CHMP4C: variants seen among roughly 807,000 people sequenced by gnomAD.
CHMP4C encodes charged multivesicular body protein 4C, also known as SNF7 homolog associated with Alix 3.
CHMP4C carries 28 observed loss-of-function variants against 29.0 expected under a neutral mutation model. That is an observed-to-expected ratio of 0.97 (90% CI 0.72 to 1.32). The LOEUF is 1.32. Ranked by LOEUF, CHMP4C falls within the 40% of genes most tolerant of loss-of-function variation. The pLI, the probability that CHMP4C is intolerant of heterozygous loss-of-function variation, is 0.00. For missense variants in CHMP4C, 291 were observed against 281.0 expected (o/e 1.04, Z -0.25); for synonymous variants, 106 against 102.4 (o/e 1.04, Z -0.21).
intron 1 of CHMP4C, among the ~76,000 whole-genome samples, chr8:81,744,833 C>T (rs563176706): frequency 6.6e-6 from 1 of 152,130 alleles, no homozygotes; most frequent in Non-Finnish European, 1.5e-5. Context: ...AACACAGTGC[C>T]AGGCATGTCA....
Position 81,732,545 on chromosome 8 carries a change from C to A in CHMP4C, c.-82C>A. 1.9e-6 allele frequency: 2 copies of A among 1,070,630 alleles called. No individual in the cohort carries two copies. Among genetic ancestry groups the A allele is most frequent in the Non-Finnish European group, 2.7e-6 (2 of 752,526 alleles). 66.3% of individuals were successfully genotyped at this position (1,070,630 alleles called of 1,614,324 possible). A position where few individuals can be genotyped will look rare whatever the true frequency, so the allele number is the denominator to read the frequency against. Reference sequence around the variant, plus strand: ...CGGTCTGGGTCCCCGAGAGGACTGCCTTGCTCACCTGTCCCCTCGGCGCGG... The same window carrying A: ...CGGTCTGGGTCCCCGAGAGGACTGCATTGCTCACCTGTCCCCTCGGCGCGG... On this transcript the variant is annotated 5_prime_UTR_variant, in exon 1 of 5. Coordinates refer to ENST00000297265, the MANE Select transcript of CHMP4C (RefSeq NM_152284.4).
At chr8:81,737,444 C>T (rs1352165727) in intron 1 of CHMP4C, among the ~76,000 whole-genome samples, 1 of 152,226 alleles carries the variant, frequency 6.6e-6, no homozygotes, top group Middle Eastern at 3.2e-3. Flanking sequence ...TCTCAGCACA[C>T]TGCAGAACTC....
chr8:81,737,936 A>G (rs888950405), intron 1 of CHMP4C, among the ~76,000 whole-genome samples: 1 of 152,182 alleles, frequency 6.6e-6, no homozygotes, highest in Non-Finnish European at 1.5e-5. Context: ...CCTTTCACAT[A>G]TTTTATGACA....
At chr8:81,748,230 G>A (rs1234783330) in intron 1 of CHMP4C, among the ~76,000 whole-genome samples, 2 of 152,142 alleles carry the variant, frequency 1.3e-5, no homozygotes, top group Non-Finnish European at 2.9e-5. Context: ...CTGTTATCCT[G>A]TTCTTTTTCC....
At chr8:81,746,894 A>T (rs78563178) in intron 1 of CHMP4C, among the ~76,000 whole-genome samples, 1 of 152,356 alleles carries the variant, frequency 6.6e-6, no homozygotes, top group African/African-American at 2.4e-5. Context: ...GATGATAAAG[A>T]TCCCTAATAT....
chr8:81,745,593 T>A (rs1808812932), intron 1 of CHMP4C, among the ~76,000 whole-genome samples: 1 of 152,146 alleles, frequency 6.6e-6, no homozygotes, highest in African/African-American at 2.4e-5. Flanking sequence ...CATAGTGGAG[T>A]TGCATAGGAA....
intron 1 of CHMP4C, among the ~76,000 whole-genome samples, chr8:81,747,513 T>G (rs535584670): frequency 1.3e-5 from 2 of 152,292 alleles, no homozygotes; most frequent in South Asian, 4.1e-4. Flanking sequence ...CATAGGATAC[T>G]CTGCTGAATA....
intron 1 of CHMP4C, among the ~76,000 whole-genome samples, chr8:81,747,389 C>T (rs16909549): frequency 0.036 from 5,491 of 150,980 alleles, 116 homozygotes; most frequent in East Asian, 0.066. Flanking sequence ...GGTACCCGTT[C>T]GGTTCCAAAT....
rs759209031 is a variant in CHMP4C at position 81,753,203 on chromosome 8, C to T, written c.330C>T (p.Gly110=). 4 of 1,608,194 alleles carry T rather than the reference C, an allele frequency of 2.5e-6. No homozygotes were observed. Among genetic ancestry groups the T allele is most frequent in the East Asian group, 2.2e-5 (1 of 44,760 alleles). The change falls in exon 2 of 5, where the codon GGC becomes GGT. Residue 110 remains glycine (G), a synonymous_variant. Coordinates refer to ENST00000297265, the MANE Select transcript of CHMP4C (RefSeq NM_152284.4). ...HTNTEVLRNM[G]FAAKAMKSVH... ...ACACTGAGGTGTTGAGGAACATGGG[C>T]TTTGCAGCAAAAGCGATGAAATCTG...
chr8:81,745,571 G>A (rs1585943732), intron 1 of CHMP4C, among the ~76,000 whole-genome samples: 2 of 152,164 alleles, frequency 1.3e-5, no homozygotes, highest in Admixed American at 1.3e-4. Context: ...GAAAGCCTTC[G>A]TCCCTTGGCA....
chr8:81,753,341 T>TCC, intron 2 of CHMP4C, 100 bp downstream of exon 2: 5 of 745,670 alleles, frequency 6.7e-6, no homozygotes, highest in Non-Finnish European at 8.0e-6. Flanking sequence ...GTTTACTCAT[T>TCC]TGAGGCTCTT....
At position 81,758,554 on chromosome 8, in the gene CHMP4C, C is replaced by T; in HGVS notation, c.*10C>T. 2.6e-6 allele frequency: 4 copies of T among 1,564,578 alleles called. No individual in the cohort carries two copies. The highest frequency in any genetic ancestry group is 2.6e-6 in the Non-Finnish European group (3 of 1,135,128). Reference sequence around the variant, plus strand: ...AGCTTGGGCTACCTAAACTAAAACACATTTTTGATACCTAAATTAATGAGC... The same window carrying T: ...AGCTTGGGCTACCTAAACTAAAACATATTTTTGATACCTAAATTAATGAGC... On this transcript the variant is annotated 3_prime_UTR_variant, in exon 5 of 5. Transcript: ENST00000297265.
chr8:81,734,619 C>T (rs564092061), intron 1 of CHMP4C, among the ~76,000 whole-genome samples: 101 of 152,138 alleles, frequency 6.6e-4, no homozygotes, highest in Non-Finnish European at 1.3e-3. Flanking sequence ...TGTGAGCCAC[C>T]GCACCTGGCT....
Position 81,755,975 on chromosome 8 carries a change from A to G in CHMP4C, c.483+491A>G, listed in dbSNP as rs1324965179. Among the ~76,000 whole-genome samples the G allele has an allele frequency of 2.0e-5, 3 of 152,212 alleles. No homozygotes were observed. In the East Asian group the frequency reaches 5.8e-4, roughly 29 times the overall value. On this transcript the variant is annotated intron_variant, in intron 3 of 4. Transcript: ENST00000297265. ...GATTAATCAGTCCAATAATACAGAC[A>G]GACTATAATTATAATGGTGATGTCT...
At chr8:81,734,634 T>C (rs1808663352) in intron 1 of CHMP4C, among the ~76,000 whole-genome samples, 1 of 152,136 alleles carries the variant, frequency 6.6e-6, no homozygotes. Flanking sequence ...CTGGCTGATG[T>C]TGGTTTTAAA....
chr8:81,753,718 C>T (rs1482377885), intron 2 of CHMP4C, among the ~76,000 whole-genome samples: 1 of 152,102 alleles, frequency 6.6e-6, no homozygotes, highest in African/African-American at 2.4e-5. Flanking sequence ...GAAGAATAGT[C>T]ATGAGCATGG....
Position 81,753,112 on chromosome 8 carries a change from C to G in CHMP4C, c.239C>G (p.Thr80Ser). 6.2e-7 allele frequency: 1 copy of G among 1,612,690 alleles called. No homozygotes were observed. The highest frequency in any genetic ancestry group is 8.5e-7 in the Non-Finnish European group (1 of 1,179,168). Residue 80 changes from threonine to serine, a missense_variant, in exon 2 of 5, where the codon ACT (threonine) becomes AGT (serine). Transcript: ENST00000297265. ...KRKKRFEKQL[T>S]QIDGTLSTIE... ...AAGAAGAGGTTCGAGAAACAGCTCA[C>G]TCAGATTGATGGCACACTTTCTACC...
At chr8:81,734,898 G>T (rs1390208707) in intron 1 of CHMP4C, among the ~76,000 whole-genome samples, 1 of 145,198 alleles carries the variant, frequency 6.9e-6, no homozygotes, top group Non-Finnish European at 1.5e-5. Flanking sequence ...TGGCAAATAA[G>T]TTTTTTTTTT....
At chr8:81,755,253 C>A in intron 2 of CHMP4C, 117 bp from the exon 3 acceptor site, 1 of 461,124 alleles carries the variant, frequency 2.2e-6, no homozygotes, top group Non-Finnish European at 3.8e-6. Flanking sequence ...GAATATTTAT[C>A]CTACTCAAAT....
Sources: gnomAD v4.1 joint callset for allele counts (sites outside exome capture counted in the v4.1 genomes callset) on GRCh38, gnomAD v4.1.1 for gene constraint, MANE v1.5 for transcripts, NCBI Gene and HGNC (gene_info 2026-07-23, HGNC 2026-07-21) for gene names.